Variants in ZNF385D observed in about 807,000 individuals in gnomAD.
The protein encoded by ZNF385D is zinc finger protein 385D, also known as zinc finger protein 659.
A neutral mutation model predicts 35.8 loss-of-function variants in ZNF385D; 15 were observed. The ratio of observed to expected loss-of-function variants is 0.42; its 90% confidence interval spans 0.28 to 0.64. ZNF385D has a LOEUF of 0.64. Among genes scored for constraint, ZNF385D ranks in the 30% least tolerant of loss-of-function variants. The probability of loss-of-function intolerance (pLI) is 0.23; values close to 1 mark genes in which losing one functional copy is unlikely to be tolerated. For synonymous variants in ZNF385D, 212 were observed against 186.8 expected, an observed-to-expected ratio of 1.13 and a Z score of -1.10; for missense variants, 474 against 494.6, an observed-to-expected ratio of 0.96 and a Z score of 0.39.
At chr3:21,508,314 C>T (rs1286120126) in intron 4 of ZNF385D, among the ~76,000 whole-genome samples, 1 of 152,128 alleles carries the variant, frequency 6.6e-6, no homozygotes, top group Non-Finnish European at 1.5e-5. Flanking sequence ...AAGACTGCCA[C>T]CCTTCAAAGT....
rs555330046 is a variant in ZNF385D, at chr3:21,902,093, G to A, written c.326-237065C>T. Among the ~76,000 whole-genome samples the A allele has an allele frequency of 4.6e-5, 7 of 152,208 alleles. No individual in the cohort carries two copies. In the East Asian group the frequency reaches 7.7e-4, roughly 17 times the overall value. On this transcript the variant is annotated intron_variant, in intron 3 of 5. Coordinates refer to the ZNF385D transcript ENST00000494108. The stretch of plus-strand genomic sequence containing the variant: ...ATTCAAGGTTGTGCCTAGAGAATTA[G>A]ATTAAAAGTTTCTTTCATTCATGAC...
intron 3 of ZNF385D, among the ~76,000 whole-genome samples, chr3:21,983,996 A>T (rs1694662549): frequency 7.4e-6 from 1 of 135,474 alleles, no homozygotes; most frequent in Non-Finnish European, 1.5e-5. Context: ...TCCTTCGCCC[A>T]CTTTTTGATG....
At chr3:22,350,250 T>C (rs571346157) in intron 2 of ZNF385D, among the ~76,000 whole-genome samples, 5 of 152,270 alleles carry the variant, frequency 3.3e-5, no homozygotes, top group African/African-American at 1.2e-4. Flanking sequence ...CACTTTGCAT[T>C]GTTTTTATGT....
chr3:21,996,865 T>A (rs1210706283), intron 3 of ZNF385D, among the ~76,000 whole-genome samples: 1 of 152,216 alleles, frequency 6.6e-6, no homozygotes, highest in Non-Finnish European at 1.5e-5. Flanking sequence ...GCGATTAATT[T>A]ATTGCTTCTC....
chr3:21,686,447 G>A (rs993060323), intron 1 of ZNF385D, among the ~76,000 whole-genome samples: 11 of 152,048 alleles, frequency 7.2e-5, no homozygotes, highest in Non-Finnish European at 1.3e-4. Flanking sequence ...CTGAACTATC[G>A]CAATATAATG....
chr3:21,656,993 A>G (rs2066090679), intron 2 of ZNF385D, among the ~76,000 whole-genome samples: 1 of 151,890 alleles, frequency 6.6e-6, no homozygotes, highest in South Asian at 2.1e-4. Context: ...CAGGCCAAAT[A>G]TATTACTTGC....
chr3:22,262,688 CCA>C (rs1700697020), intron 2 of ZNF385D, among the ~76,000 whole-genome samples: 1 of 151,732 alleles, frequency 6.6e-6, no homozygotes. Context: ...TTTCTGAGCC[CCA>C]GTTTTCTCAT....
chr3:21,751,528 C>T (rs774528276), upstream of ZNF385D: 6 of 854,456 alleles, frequency 7.0e-6, no homozygotes, highest in Non-Finnish European at 8.4e-6. Flanking sequence ...ACCATTCTCT[C>T]CAAAATTTAA....
intron 3 of ZNF385D, among the ~76,000 whole-genome samples, chr3:22,017,424 C>T (rs925619488): frequency 4.6e-5 from 7 of 151,968 alleles, no homozygotes; most frequent in Admixed American, 3.3e-4. Context: ...TGTTGTCTTT[C>T]AGCTGTATCT....
intron 1 of ZNF385D, among the ~76,000 whole-genome samples, chr3:21,719,708 G>A (rs13070714): frequency 6.6e-6 from 1 of 152,036 alleles, no homozygotes. Context: ...GCGCCAGTCC[G>A]ATCCTTAGAA....
chr3:22,225,075 A>C (rs1698474328), intron 2 of ZNF385D, among the ~76,000 whole-genome samples: 1 of 152,146 alleles, frequency 6.6e-6, no homozygotes, highest in Non-Finnish European at 1.5e-5. Flanking sequence ...TACAGATAAA[A>C]TTATGTTCAA....
intron 3 of ZNF385D, among the ~76,000 whole-genome samples, chr3:21,851,625 A>G (rs572520920): frequency 6.6e-6 from 1 of 152,172 alleles, no homozygotes; most frequent in South Asian, 2.1e-4. Context: ...ATGACTCCAT[A>G]TGTTAATATT....
intron 3 of ZNF385D, among the ~76,000 whole-genome samples, chr3:22,132,553 G>A (rs958498289): frequency 1.3e-5 from 2 of 151,976 alleles, no homozygotes; most frequent in African/African-American, 4.8e-5. Context: ...CAAAAAATTA[G>A]CCCAAATTTA....
rs7615401 is a variant in ZNF385D, at chr3:22,332,990, G to A, written c.106+39460C>T. On this transcript the variant is annotated intron_variant, in intron 2 of 5. Transcript: ENST00000494108. The stretch of plus-strand genomic sequence containing the variant: ...AACTTTGATCAGTTCTTTCAGAGAA[G>A]GCCTGCTGGAAACAGGTTCTCATAC... 3.6e-4 allele frequency among the ~76,000 whole-genome samples: 55 copies of A among 151,688 alleles called. 1 individual carries two copies. The East Asian group carries it at 9.5e-3, about 26-fold the overall frequency.
chr3:21,995,821 A>C (rs1284816653), intron 3 of ZNF385D, among the ~76,000 whole-genome samples: 1 of 151,998 alleles, frequency 6.6e-6, no homozygotes, highest in Admixed American at 6.6e-5. Context: ...GTTTGCTGTC[A>C]GTGTCAGCAT....
At chr3:21,759,983 C>T (rs1448962808) in intron 3 of ZNF385D, among the ~76,000 whole-genome samples, 1 of 152,146 alleles carries the variant, frequency 6.6e-6, no homozygotes, top group African/African-American at 2.4e-5. Flanking sequence ...TAATTCTGTG[C>T]CTCCAGTCAA....
At chr3:21,424,456 G>GGTGCCCACCACC (rs1700914882) in intron 6 of ZNF385D, among the ~76,000 whole-genome samples, 1 of 149,068 alleles carries the variant, frequency 6.7e-6, no homozygotes, top group East Asian at 2.0e-4. Flanking sequence ...TGAGACTACA[G>GGTGCCCACCACC]GTGCCCACCA....
intron 2 of ZNF385D, among the ~76,000 whole-genome samples, chr3:22,188,613 C>G (rs1268547098): frequency 2.0e-5 from 3 of 151,958 alleles, no homozygotes; most frequent in Non-Finnish European, 4.4e-5. Context: ...CCACACCCTG[C>G]TAATTTTTTG....
At chr3:21,673,299 C>T (rs73819946) in intron 1 of ZNF385D, among the ~76,000 whole-genome samples, 4,257 of 152,226 alleles carry the variant, frequency 0.028, 213 homozygotes, top group African/African-American at 0.096. Context: ...TTTCAAACGT[C>T]TGATAGCCAC....
Sources: allele counts gnomAD v4.1 joint callset (sites outside exome capture counted in the v4.1 genomes callset), GRCh38; gene constraint gnomAD v4.1.1; transcripts MANE v1.5; gene names NCBI Gene and HGNC (gene_info 2026-07-23, HGNC 2026-07-21).